Variants in CHD6 observed in about 807,000 individuals in gnomAD.
CHD6 encodes ATP-dependent chromatin remodeler CHD6.
A neutral mutation model predicts 276.9 loss-of-function variants in CHD6; 50 were observed. The ratio of observed to expected loss-of-function variants is 0.18; its 90% CI spans 0.14 to 0.23. CHD6 has a LOEUF of 0.23. CHD6 is among the 10% of genes least tolerant of loss of function. The pLI is 1.00. For missense variants in CHD6, 2,564 were observed against 3,365.8 expected (o/e 0.76, Z 5.89); for synonymous variants, 1,173 against 1,229.3 (o/e 0.95, Z 0.96).
At chr20:41,610,904 A>G (rs2045880883) in intron 1 of CHD6, among the ~76,000 whole-genome samples, 1 of 152,242 alleles carries the variant, frequency 6.6e-6, no homozygotes, top group Non-Finnish European at 1.5e-5. Context: ...TGAGAACAGG[A>G]GAACTACAGT....
At chr20:41,520,584 A>G (rs11698776) in intron 3 of CHD6, among the ~76,000 whole-genome samples, 3,107 of 144,920 alleles carry the variant, frequency 0.021, 53 homozygotes, top group Non-Finnish European at 0.034. Context: ...AAAACCAAAC[A>G]CCGCATGTTC....
Position 41,421,748 on chromosome 20 carries a change from G to C in CHD6, c.4887C>G (p.Leu1629=). 1 of 1,614,238 alleles carries C rather than the reference G, an allele frequency of 6.2e-7. No individual in the cohort carries two copies. Among genetic ancestry groups the C allele is most frequent in the African/African-American group, 1.3e-5 (1 of 75,066 alleles). ...KRSGTQAPGN[L]CCLYQTNSKL... ...TGGAGTTGGTCTGGTAAAGGCAACA[G>C]AGATTTCCTGGTGCCTGGGTGCCAG... The change falls in exon 31 of 37, where the codon CTC becomes CTG. Residue 1629 remains leucine, a synonymous_variant. Coordinates refer to ENST00000373233, the MANE Select transcript of CHD6 (RefSeq NM_032221.5).
intron 5 of CHD6, among the ~76,000 whole-genome samples, chr20:41,503,787 T>C (rs140867252): frequency 6.6e-6 from 1 of 152,224 alleles, no homozygotes; most frequent in Non-Finnish European, 1.5e-5. Flanking sequence ...AGAAATACTT[T>C]GAACTTTCGG....
chr20:41,580,335 T>C (rs1037111121), intron 1 of CHD6, among the ~76,000 whole-genome samples: 2 of 152,116 alleles, frequency 1.3e-5, no homozygotes, highest in African/African-American at 4.8e-5. Context: ...AAATATGTCT[T>C]ACCAGGCTAA....
In CHD6 at chr20:41,609,238, A is replaced by G. The variant is rs564079502; in HGVS notation, c.-24+9102T>C. On this transcript the variant is annotated intron_variant, in intron 1 of 36. Transcript: ENST00000373233. ...TGAGGCAGGAGGATCATTTGAGCCC[A>G]TGAGTCTAGCCTGGGCAACGTAAGA... 7.2e-5 allele frequency among the ~76,000 whole-genome samples: 11 copies of G among 152,326 alleles called. No homozygotes were observed. In the East Asian group the frequency reaches 1.9e-3, roughly 27 times the overall value.
At chr20:41,592,833 G>A (rs1053472246) in intron 1 of CHD6, among the ~76,000 whole-genome samples, 1 of 152,134 alleles carries the variant, frequency 6.6e-6, no homozygotes, top group Non-Finnish European at 1.5e-5. Context: ...ACCAGAGGGT[G>A]TGAGCTAACA....
At chr20:41,601,830 G>C (rs1317864655) in intron 1 of CHD6, among the ~76,000 whole-genome samples, 4 of 152,296 alleles carry the variant, frequency 2.6e-5, no homozygotes, top group Non-Finnish European at 5.9e-5. Context: ...ATAAATGTTT[G>C]CTCCAATTAT....
Position 41,412,166 on chromosome 20 carries a change from A to G in CHD6, c.7229T>C (p.Ile2410Thr). 2 of 1,614,094 alleles carry G rather than the reference A, an allele frequency of 1.2e-6. No homozygotes were observed. Among genetic ancestry groups the G allele is most frequent in the South Asian group, 1.1e-5 (1 of 91,068 alleles). Reference protein sequence around the residue: ...SLSGEERVPAIPKEPGLRGFL... With the variant: ...SLSGEERVPATPKEPGLRGFL... ...TACCCTCAGTCCTGGCTCCTTGGGGATGGCAGGAACTCTCTCTTCCCCGCT... is the reference window on the plus strand; with the variant it reads ...TACCCTCAGTCCTGGCTCCTTGGGGGTGGCAGGAACTCTCTCTTCCCCGCT... The change falls in exon 36 of 37, where the codon ATC (isoleucine) becomes ACC (threonine). Residue 2410 changes from isoleucine to threonine, a missense_variant. Transcript: ENST00000373233.
intron 16 of CHD6, among the ~76,000 whole-genome samples, chr20:41,476,847 T>C (rs1600958534): frequency 6.6e-6 from 1 of 151,984 alleles, no homozygotes; most frequent in South Asian, 2.1e-4. Context: ...CACACGAATA[T>C]ATGTGTATAT....
chr20:41,455,680 T>C (rs2048357635), intron 19 of CHD6, 120 bp downstream of exon 19: 1 of 676,262 alleles, frequency 1.5e-6, no homozygotes, highest in South Asian at 2.6e-5. Context: ...GCAGACTAAA[T>C]GTGCAGCCAA....
chr20:41,535,690 C>G (rs2044815079), intron 2 of CHD6, among the ~76,000 whole-genome samples: 1 of 151,956 alleles, frequency 6.6e-6, no homozygotes, highest in Admixed American at 6.6e-5. Context: ...AAGACCCTGT[C>G]TCTACCAAAA....
chr20:41,546,774 A>G (rs2045051093), intron 2 of CHD6, among the ~76,000 whole-genome samples: 1 of 152,200 alleles, frequency 6.6e-6, no homozygotes, highest in African/African-American at 2.4e-5. Context: ...TCTTAGAAGC[A>G]GTTTAGTTCT....
Position 41,426,172 on chromosome 20 carries a change from A to T in CHD6, c.4069-19T>A. The T allele has an allele frequency of 6.3e-7, 1 of 1,594,866 alleles. No individual in the cohort carries two copies. Among genetic ancestry groups the T allele is most frequent in the Non-Finnish European group, 8.6e-7 (1 of 1,162,410 alleles). ...AACTCTCCTAGGGATAAATAAAGCC[A>T]TCCCATCAGCAAAACTGCAGCTTAG... On this transcript the variant is annotated intron_variant, in intron 27 of 36. Transcript: ENST00000373233.
At chr20:41,481,398 G>A (rs1418742757) in intron 16 of CHD6, among the ~76,000 whole-genome samples, 1 of 151,454 alleles carries the variant, frequency 6.6e-6, no homozygotes, top group Non-Finnish European at 1.5e-5. Flanking sequence ...AAGACCAAGA[G>A]AAAATGCATG....
rs1218030861 is a variant in CHD6 at position 41,404,310 on chromosome 20, AG to A, written c.*282del. ...TGGGAAACTTGGAAGAGAAGGGGGT[AG>A]GGCGTGTCACCAAGTACTGTATTAA... On this transcript the variant is annotated 3_prime_UTR_variant, in exon 37 of 37. Transcript: ENST00000373233. 8.9e-7 allele frequency: 1 copy of A among 1,128,564 alleles called. No individual in the cohort carries two copies. 69.9% of individuals were successfully genotyped at this position (1,128,564 alleles called of 1,614,324 possible). A position where few individuals can be genotyped will look rare whatever the true frequency, so the allele number is the denominator to read the frequency against.
chr20:41,517,486 G>A (rs1568665597), intron 3 of CHD6, among the ~76,000 whole-genome samples: 2 of 152,062 alleles, frequency 1.3e-5, no homozygotes, highest in African/African-American at 2.4e-5. Context: ...GAAACTCTAG[G>A]GGTCATGCCA....
At chr20:41,544,485 C>A (rs2045002526) in intron 2 of CHD6, among the ~76,000 whole-genome samples, 1 of 152,048 alleles carries the variant, frequency 6.6e-6, no homozygotes, top group Non-Finnish European at 1.5e-5. Flanking sequence ...AGACTTACAG[C>A]TTCTTTATGC....
intron 1 of CHD6, among the ~76,000 whole-genome samples, chr20:41,607,232 T>A (rs1226513249): frequency 6.6e-6 from 1 of 152,140 alleles, no homozygotes; most frequent in Non-Finnish European, 1.5e-5. Context: ...CCAAATCAAT[T>A]TTCAAGTACC....
chr20:41,538,744 G>A (rs1006089797), intron 2 of CHD6, among the ~76,000 whole-genome samples: 1 of 152,130 alleles, frequency 6.6e-6, no homozygotes, highest in Non-Finnish European at 1.5e-5. Context: ...TTGCAGGACA[G>A]AGTAGCAACA....
Sources: gnomAD v4.1 joint callset for allele counts (sites outside exome capture counted in the v4.1 genomes callset) on GRCh38, gnomAD v4.1.1 for gene constraint, MANE v1.5 for transcripts, NCBI Gene and HGNC (gene_info 2026-07-23, HGNC 2026-07-21) for gene names.